The following GATA4 variants were observed in gnomAD, a reference collection of about 807,000 sequenced individuals.
GATA4 encodes the protein GATA binding protein 4.
A neutral mutation model predicts 37.9 loss-of-function variants in GATA4; 7 were observed. The ratio of observed to expected loss-of-function variants is 0.18; its 90% CI spans 0.11 to 0.35. GATA4 has a LOEUF of 0.35. Among genes scored for constraint, GATA4 ranks in the 10% least tolerant of loss-of-function variants. GATA4 has a pLI of 1.00. For missense variants in GATA4, 647 were observed against 653.0 expected (o/e 0.99, Z 0.10); for synonymous variants, 372 against 292.6 (o/e 1.27, Z -2.77).
intron 1 of GATA4, among the ~76,000 whole-genome samples, chr8:11,683,554 C>T (rs949741561): frequency 1.3e-5 from 2 of 152,104 alleles, no homozygotes; most frequent in African/African-American, 4.8e-5. Flanking sequence ...TAAATCCATC[C>T]CCCCATTCTT....
intron 2 of GATA4, among the ~76,000 whole-genome samples, chr8:11,741,509 G>A (rs1801738317): frequency 6.6e-6 from 1 of 152,016 alleles, no homozygotes. Flanking sequence ...AAGTCCCTGT[G>A]AGAGCAATGC....
upstream of GATA4, among the ~76,000 whole-genome samples, chr8:11,702,207 G>A (rs967514911): frequency 6.6e-6 from 1 of 152,148 alleles, no homozygotes; most frequent in African/African-American, 2.4e-5. The surrounding 1 kb of genome is among the most constrained non-coding windows in gnomAD (Gnocchi z 4.4). Context: ...ACGTCAGATG[G>A]CACCCCGCCA....
At chr8:11,678,868 C>A (rs1336805702) in intron 1 of GATA4, among the ~76,000 whole-genome samples, 3 of 151,686 alleles carry the variant, frequency 2.0e-5, no homozygotes, top group Non-Finnish European at 4.4e-5. Context: ...TTCTCAAGTT[C>A]GATTAGGGGG....
rs112613770 is a variant in GATA4, at chr8:11,757,246, C to T, written c.1149+163C>T. Among the ~76,000 whole-genome samples the T allele has an allele frequency of 9.3e-3, 1,416 of 152,348 alleles. 25 individuals carry two copies. The highest frequency in any genetic ancestry group is 0.032 in the African/African-American group (1,325 of 41,578). ...GACCCAGCCATTGAGCTGTGTGGTG[C>T]CCTCAGGGCCGCACGAGGCTAGGGG... On this transcript the variant is annotated intron_variant, in intron 6 of 6. Coordinates refer to ENST00000532059, the MANE Select transcript of GATA4 (RefSeq NM_001308093.3).
intron 2 of GATA4, among the ~76,000 whole-genome samples, chr8:11,746,918 G>T (rs1362684296): frequency 6.6e-6 from 1 of 152,254 alleles, no homozygotes; most frequent in Non-Finnish European, 1.5e-5. Context: ...ACAGCTACCT[G>T]TTTGCAGGTG....
At chr8:11,692,609 A>G (rs567606414), upstream of GATA4, 3 of 984,802 alleles carry the variant, frequency 3.0e-6, no homozygotes, top group African/African-American at 3.5e-5. Flanking sequence ...TGGGGCGGGA[A>G]CCGGCTTCTG....
chr8:11,710,688 C>CAAAAA (rs57178682), intron 2 of GATA4, among the ~76,000 whole-genome samples: 2 of 37,280 alleles, frequency 5.4e-5, no homozygotes, highest in African/African-American at 1.2e-4. Context: ...GACTACGTCT[C>CAAAAA]AAAAAAAAAA....
chr8:11,721,455 G>A (rs62489340), intron 2 of GATA4, among the ~76,000 whole-genome samples: 3,713 of 151,518 alleles, frequency 0.025, 88 homozygotes, highest in African/African-American at 0.076. Context: ...ATAAGAAGGC[G>A]CAAGCTCCTG....
intron 1 of GATA4, among the ~76,000 whole-genome samples, chr8:11,695,314 G>A (rs1218256938): frequency 4.6e-5 from 7 of 152,132 alleles, no homozygotes; most frequent in Non-Finnish European, 1.0e-4. Flanking sequence ...GCTGAGGCAG[G>A]AGAATGGCTT....
chr8:11,677,124 G>C (rs1477188792), intron 1 of GATA4: 1 of 152,540 alleles, frequency 6.6e-6, no homozygotes, highest in Non-Finnish European at 1.5e-5. Context: ...GATGCTGGGG[G>C]AATGGAAGGC....
intron 2 of GATA4, among the ~76,000 whole-genome samples, chr8:11,733,481 C>T (rs747168034): frequency 1.3e-5 from 2 of 152,178 alleles, no homozygotes; most frequent in Non-Finnish European, 2.9e-5. Context: ...AAATTACTTG[C>T]TGAAATGCAG....
intron 1 of GATA4, among the ~76,000 whole-genome samples, chr8:11,685,434 G>T (rs1402197840): frequency 1.3e-5 from 2 of 152,338 alleles, no homozygotes; most frequent in South Asian, 4.1e-4. Flanking sequence ...TGAGAGAGGT[G>T]AGGAAGATTG....
At chr8:11,726,046 A>G (rs527889957) in intron 2 of GATA4, among the ~76,000 whole-genome samples, 39 of 152,354 alleles carry the variant, frequency 2.6e-4, no homozygotes, top group African/African-American at 8.7e-4. Flanking sequence ...CAGGGCAAGA[A>G]TTATGCCACA....
chr8:11,678,769 T>C (rs762111043), intron 1 of GATA4, among the ~76,000 whole-genome samples: 2 of 152,174 alleles, frequency 1.3e-5, no homozygotes, highest in African/African-American at 2.4e-5. Context: ...TTATGAACTA[T>C]TTTTTTTCAG....
At chr8:11,730,382 T>G (rs939120149) in intron 2 of GATA4, among the ~76,000 whole-genome samples, 1 of 152,246 alleles carries the variant, frequency 6.6e-6, no homozygotes, top group Admixed American at 6.5e-5. Flanking sequence ...TGGGCCCTTC[T>G]ACCTCTGATG....
chr8:11,679,413 G>C (rs78368024), intron 1 of GATA4, among the ~76,000 whole-genome samples: 2 of 152,080 alleles, frequency 1.3e-5, no homozygotes, highest in African/African-American at 4.8e-5. Context: ...GCCCCAGCCG[G>C]GTCTGATAAA....
At chr8:11,701,042 T>A (rs1799657826), upstream of GATA4, among the ~76,000 whole-genome samples, 2 of 152,172 alleles carry the variant, frequency 1.3e-5, no homozygotes, top group African/African-American at 4.8e-5. Context: ...GTGTTTAGAT[T>A]GCTCTGTACA....
intron 1 of GATA4, chr8:11,680,637 C>A (rs976311992): frequency 8.1e-6 from 8 of 985,240 alleles, no homozygotes; most frequent in African/African-American, 7.0e-5. Flanking sequence ...CCACGCCTGG[C>A]GCTGCTGGGA....
chr8:11,700,406 C>T (rs1165413352), upstream of GATA4: 4 of 152,284 alleles, frequency 2.6e-5, no homozygotes, highest in African/African-American at 9.6e-5. Flanking sequence ...ACGTCCACTC[C>T]GTATCCCCAA....
Sources: gnomAD v4.1 joint callset for allele counts (sites outside exome capture counted in the v4.1 genomes callset) on GRCh38, gnomAD v4.1.1 for gene constraint, Gnocchi (gnomAD v3.1) non-coding constraint, MANE v1.5 for transcripts, NCBI Gene and HGNC (gene_info 2026-07-23, HGNC 2026-07-21) for gene names.